The following ST8SIA5 variants were observed in gnomAD, a reference collection of about 807,000 sequenced individuals.
ST8SIA5 encodes the protein ST8 alpha-N-acetyl-neuraminide alpha-2,8-sialyltransferase 5.
A neutral mutation model predicts 40.2 loss-of-function variants in ST8SIA5; 24 were observed. That is an observed-to-expected ratio of 0.60 (90% CI 0.43 to 0.84). The LOEUF (loss-of-function observed/expected upper bound fraction) is 0.84, where lower values mean the gene tolerates loss of function less well. Ranked by LOEUF, ST8SIA5 falls within the 40% of genes least tolerant of loss-of-function variation. ST8SIA5 has a pLI of 0.00. For missense variants in ST8SIA5, 465 were observed against 498.5 expected (o/e 0.93, Z 0.64); for synonymous variants, 198 against 201.8 (o/e 0.98, Z 0.16).
In ST8SIA5 at chr18:46,679,559, G is replaced by C. The variant is rs534966721; in HGVS notation, c.*483C>G. ...GATAGCAATTCATAGCTAAGTCTTC[G>C]ATATAAAACACAGGAACCAAAAGTG... On this transcript the variant is annotated 3_prime_UTR_variant, in exon 7 of 7. Transcript: ENST00000315087. The C allele has an allele frequency of 3.0e-5, 5 of 165,154 alleles. No homozygotes were observed. Among genetic ancestry groups the C allele is most frequent in the Admixed American group, 1.1e-4 (2 of 17,996 alleles). The allele number at this position is 165,154 out of a possible 1,614,324, so 10.2% of individuals were successfully genotyped here.
chr18:46,744,632 C>G (rs1463234114), intron 1 of ST8SIA5, among the ~76,000 whole-genome samples: 1 of 152,138 alleles, frequency 6.6e-6, no homozygotes, highest in Non-Finnish European at 1.5e-5. Context: ...TTTCACACCC[C>G]ACTGTCAATA....
intron 5 of ST8SIA5, among the ~76,000 whole-genome samples, chr18:46,684,477 G>C (rs937665586): frequency 6.6e-6 from 1 of 152,162 alleles, no homozygotes. Context: ...ACCCCAAGGG[G>C]TAGTTACTAT....
intron 1 of ST8SIA5, among the ~76,000 whole-genome samples, chr18:46,743,357 G>A (rs1053139168): frequency 6.6e-6 from 1 of 152,204 alleles, no homozygotes; most frequent in Non-Finnish European, 1.5e-5. Flanking sequence ...AAACAGTGTA[G>A]AGAAGACCTT....
intron 1 of ST8SIA5, among the ~76,000 whole-genome samples, chr18:46,732,973 C>T (rs975154514): frequency 7.2e-5 from 11 of 152,160 alleles, no homozygotes; most frequent in African/African-American, 2.4e-4. Context: ...CCACATCCCT[C>T]ACAAGGGATA....
intron 1 of ST8SIA5, among the ~76,000 whole-genome samples, chr18:46,749,952 T>G (rs2040180991): frequency 6.6e-6 from 1 of 152,148 alleles, no homozygotes; most frequent in South Asian, 2.1e-4. Context: ...ACAAGAAGTC[T>G]ACAACCTGCA....
rs1174950447 is a variant in ST8SIA5, at chr18:46,673,382, G to A, written c.*6660C>T. 1 of 152,070 alleles carries A rather than the reference G, an allele frequency of 6.6e-6. No homozygotes were observed. The highest frequency in any genetic ancestry group is 1.5e-5 in the Non-Finnish European group (1 of 68,020). 9.4% of individuals were successfully genotyped at this position (152,070 alleles called of 1,614,324 possible). On this transcript the variant is annotated 3_prime_UTR_variant, in exon 7 of 7. Transcript: ENST00000315087. ...GTATGTACAGAAAAGGCAGAAGTTG[G>A]GTTGTGTGCCAAATTCTTCTTTTCA...
intron 2 of ST8SIA5, among the ~76,000 whole-genome samples, chr18:46,694,201 G>C (rs1298837311): frequency 6.6e-6 from 1 of 152,212 alleles, no homozygotes; most frequent in Non-Finnish European, 1.5e-5. Context: ...ATGAACTCCA[G>C]ATCTTTGGCA....
Position 46,748,686 on chromosome 18 carries a change from A to C in ST8SIA5, c.131+7692T>G, listed in dbSNP as rs113885514. 6.0e-3 allele frequency among the ~76,000 whole-genome samples: 911 copies of C among 152,074 alleles called. 6 individuals are homozygous for C. The highest frequency in any genetic ancestry group is 0.017 in the Middle Eastern group (5 of 294). On this transcript the variant is annotated intron_variant, in intron 1 of 6. Transcript: ENST00000315087. ...ATCAGAGAAATGCAAAATCAAAACC[A>C]CAGTGAGATGTCACCTCAAAACCAC... is the stretch of plus-strand genomic sequence containing the variant.
At chr18:46,716,101 T>TAGATAGATAGAG (rs1467804611) in intron 1 of ST8SIA5, among the ~76,000 whole-genome samples, 1 of 129,874 alleles carries the variant, frequency 7.7e-6, no homozygotes, top group Non-Finnish European at 1.6e-5. Context: ...GATAGATAGA[T>TAGATAGATAGAG]AGATAGATAG....
chr18:46,734,366 G>A (rs147275442), intron 1 of ST8SIA5, among the ~76,000 whole-genome samples: 1,682 of 152,146 alleles, frequency 0.011, 22 homozygotes, highest in South Asian at 0.022. Flanking sequence ...GGAGAGGAAC[G>A]GAGAGACCCC....
intron 1 of ST8SIA5, among the ~76,000 whole-genome samples, chr18:46,726,036 T>A (rs2039926048): frequency 1.8e-5 from 2 of 108,226 alleles, no homozygotes; most frequent in Admixed American, 9.9e-5. Flanking sequence ...ATATCCTGGA[T>A]ATATATATAT....
At chr18:46,751,807 A>G (rs944228360) in intron 1 of ST8SIA5, among the ~76,000 whole-genome samples, 1 of 152,202 alleles carries the variant, frequency 6.6e-6, no homozygotes, top group Non-Finnish European at 1.5e-5. Flanking sequence ...ACTGTGTTCA[A>G]GGTCTCCGGC....
chr18:46,681,590 C>T (rs1188416511), intron 6 of ST8SIA5, among the ~76,000 whole-genome samples: 1 of 152,200 alleles, frequency 6.6e-6, no homozygotes, highest in Non-Finnish European at 1.5e-5. Context: ...GCTGCCTGCC[C>T]TGGTCACACC....
intron 1 of ST8SIA5, among the ~76,000 whole-genome samples, chr18:46,715,316 C>T (rs1429904334): frequency 2.0e-5 from 3 of 152,174 alleles, no homozygotes; most frequent in African/African-American, 2.4e-5. Context: ...CTGCAGGGGT[C>T]GCACTGCCCC....
intron 2 of ST8SIA5, among the ~76,000 whole-genome samples, chr18:46,698,085 C>T (rs2039574119): frequency 6.6e-6 from 1 of 151,970 alleles, no homozygotes; most frequent in African/African-American, 2.4e-5. Flanking sequence ...ATCAAACCAA[C>T]AACCCAACAA....
At chr18:46,719,743 CCTTT>C (rs543995389) in intron 1 of ST8SIA5, among the ~76,000 whole-genome samples, 84 of 15,852 alleles carry the variant, frequency 5.3e-3, no homozygotes, top group East Asian at 9.0e-3. Context: ...TTCTTTCCTT[CCTTT>C]CTTTCTTTTC....
intron 2 of ST8SIA5, among the ~76,000 whole-genome samples, chr18:46,694,805 T>C (rs1300916947): frequency 6.6e-6 from 1 of 151,792 alleles, no homozygotes; most frequent in Non-Finnish European, 1.5e-5. Flanking sequence ...AATCTGAAGC[T>C]TTCTTCAGGT....
intron 1 of ST8SIA5, among the ~76,000 whole-genome samples, chr18:46,728,432 G>A (rs375327438): frequency 4.6e-5 from 7 of 152,364 alleles, no homozygotes; most frequent in African/African-American, 1.7e-4. Context: ...TAGGCCTGGG[G>A]CCAAGCATCC....
rs374870429 is a variant in ST8SIA5, at chr18:46,730,182, T to A, written c.132-25518A>T. 12 of 985,176 alleles carry A rather than the reference T, an allele frequency of 1.2e-5. No individual in the cohort carries two copies. In the East Asian group the frequency reaches 8.0e-4, roughly 66 times the overall value. 61.0% of individuals were successfully genotyped at this position (985,176 alleles called of 1,614,324 possible). On this transcript the variant is annotated intron_variant, in intron 1 of 6. Transcript: ENST00000315087. ...GTGGCCACTTTCTTCAGAGCTTCAA[T>A]AGCCATCCAAGCAGATGACTCACCT... is the stretch of plus-strand genomic sequence containing the variant.
Sources: allele counts gnomAD v4.1 joint callset (sites outside exome capture counted in the v4.1 genomes callset), GRCh38; gene constraint gnomAD v4.1.1; transcripts MANE v1.5; gene names NCBI Gene and HGNC (gene_info 2026-07-23, HGNC 2026-07-21).